Variants in RAD21 observed in about 807,000 individuals in gnomAD.
RAD21 encodes RAD21 cohesin complex component.
RAD21 carries 18 observed loss-of-function variants against 71.5 expected under a neutral mutation model. That is an observed-to-expected ratio of 0.25 (90% CI 0.17 to 0.37). The LOEUF (loss-of-function observed/expected upper bound fraction) is 0.37, where lower values mean the gene tolerates loss of function less well. RAD21 is among the 10% of genes least tolerant of loss of function. The pLI, the probability that RAD21 is intolerant of heterozygous loss-of-function variation, is 1.00. For missense variants in RAD21, 493 were observed against 769.1 expected (o/e 0.64, Z 4.25); for synonymous variants, 248 against 254.0 (o/e 0.98, Z 0.22).
At chr8:116,863,310 A>G (rs1287906003) in intron 2 of RAD21, 51 bp from the exon 3 acceptor site, 5 of 1,556,866 alleles carry the variant, frequency 3.2e-6, no homozygotes, top group African/African-American at 2.7e-5. Context: ...CGTGCCATTC[A>G]TAGTCTTCTT....
At chr8:116,850,838 C>T in intron 11 of RAD21, 71 bp from the exon 12 acceptor site, 3 of 1,090,906 alleles carry the variant, frequency 2.8e-6, no homozygotes, top group Non-Finnish European at 4.0e-6. Context: ...TATGAAAATA[C>T]ACAGTGGCTG....
chr8:116,869,812 T>G (rs1812773731), intron 1 of RAD21, among the ~76,000 whole-genome samples: 1 of 152,214 alleles, frequency 6.6e-6, no homozygotes, highest in Non-Finnish European at 1.5e-5. Flanking sequence ...CAGGTGGGAC[T>G]AAAATCTCTT....
intron 11 of RAD21, chr8:116,851,221 T>C (rs1473492870): frequency 1.3e-5 from 2 of 152,574 alleles, no homozygotes; most frequent in African/African-American, 4.8e-5. Context: ...AACCAAAGTC[T>C]TTAAAAGAAA....
chr8:116,849,206 T>A (rs1006702180), intron 12 of RAD21, 177 bp from the exon 13 acceptor site: 3 of 460,608 alleles, frequency 6.5e-6, no homozygotes, highest in Non-Finnish European at 1.1e-5. Flanking sequence ...CTGAAGAGTC[T>A]GTTTTTCTTA....
chr8:116,861,489 TCC>T (rs1812593106), intron 4 of RAD21, among the ~76,000 whole-genome samples: 1 of 151,204 alleles, frequency 6.6e-6, no homozygotes, highest in African/African-American at 2.4e-5. Flanking sequence ...GCCTGGCCAA[TCC>T]AGTAGCTGAC....
intron 1 of RAD21, among the ~76,000 whole-genome samples, chr8:116,870,759 T>G (rs945768676): frequency 6.6e-6 from 1 of 152,232 alleles, no homozygotes; most frequent in Admixed American, 6.5e-5. Context: ...TCTAGAATAC[T>G]ATCTGTGGCA....
intron 1 of RAD21, among the ~76,000 whole-genome samples, chr8:116,870,812 T>G (rs1481468919): frequency 6.6e-6 from 1 of 152,190 alleles, no homozygotes; most frequent in African/African-American, 2.4e-5. Context: ...GTAAGTAAGA[T>G]CCACCAAGTG....
intron 4 of RAD21, among the ~76,000 whole-genome samples, chr8:116,859,531 A>G (rs752930693): frequency 9.9e-5 from 15 of 152,062 alleles, no homozygotes; most frequent in Non-Finnish European, 1.9e-4. Context: ...GTGAACCACT[A>G]TACCTGGCCC....
At chr8:116,855,469 AG>A (rs1350738210) in intron 8 of RAD21, among the ~76,000 whole-genome samples, 4 of 152,252 alleles carry the variant, frequency 2.6e-5, no homozygotes, top group African/African-American at 9.6e-5. Flanking sequence ...AGATTATTCT[AG>A]AAATTTTGAC....
intron 4 of RAD21, among the ~76,000 whole-genome samples, chr8:116,859,518 G>A (rs1327816250): frequency 2.0e-5 from 3 of 152,062 alleles, no homozygotes; most frequent in African/African-American, 7.2e-5. Flanking sequence ...TGGGATCATA[G>A]GTGTGAACCA....
intron 3 of RAD21, among the ~76,000 whole-genome samples, chr8:116,862,732 G>T (rs967653987): frequency 1.3e-5 from 2 of 151,992 alleles, no homozygotes; most frequent in Admixed American, 1.3e-4. Context: ...AAAAAACTAC[G>T]AAGAATATTT....
At chr8:116,869,886 T>TTA (rs532982908) in intron 1 of RAD21, among the ~76,000 whole-genome samples, 32 of 152,360 alleles carry the variant, frequency 2.1e-4, no homozygotes, top group Non-Finnish European at 3.8e-4. Flanking sequence ...TCTGTAAATC[T>TTA]TAAAGAATTT....
rs1812702929 is a variant in RAD21, at chr8:116,866,780, G to C, written c.-32-19C>G. ...AGAAAACCTAAGAGGGGAAAAAAAA[G>C]TTAATGTAAACATCATCTGACAATT... On this transcript the variant is annotated intron_variant, in intron 1 of 13. Transcript: ENST00000297338. 5 of 1,490,558 alleles carry C rather than the reference G, an allele frequency of 3.4e-6. No individual in the cohort carries two copies. Among genetic ancestry groups the C allele is most frequent in the Non-Finnish European group, 4.5e-6 (5 of 1,118,592 alleles). The allele number at this position is 1,490,558 out of a possible 1,614,324, so 92.3% of individuals were successfully genotyped here.
chr8:116,845,965 G>C lies in RAD21; in HGVS notation c.*1535C>G, dbSNP rs1291304023. 1 of 226,366 alleles carries C rather than the reference G, an allele frequency of 4.4e-6. No individual in the cohort carries two copies. Among genetic ancestry groups the C allele is most frequent in the South Asian group, 1.8e-4 (1 of 5,466 alleles). 14.0% of individuals were successfully genotyped at this position (226,366 alleles called of 1,614,324 possible). On this transcript the variant is annotated 3_prime_UTR_variant, in exon 14 of 14. Coordinates refer to ENST00000297338, the MANE Select transcript of RAD21 (RefSeq NM_006265.3). ...TTATAACACAACTTTTATTAGAAAA[G>C]TTATACATAACATAGCATCAACTAT... is the stretch of plus-strand genomic sequence containing the variant.
intron 2 of RAD21, 54 bp from the exon 3 acceptor site, chr8:116,863,313 G>A (rs1563692662): frequency 6.5e-7 from 1 of 1,548,586 alleles, no homozygotes; most frequent in African/African-American, 1.4e-5. Flanking sequence ...GCCATTCATA[G>A]TCTTCTTTTT....
intron 7 of RAD21, 30 bp downstream of exon 7, chr8:116,856,615 TC>T: frequency 6.4e-7 from 1 of 1,556,618 alleles, no homozygotes; most frequent in Non-Finnish European, 8.7e-7. Context: ...CATACAATCA[TC>T]CCCAGAATCA....
Position 116,858,343 on chromosome 8 carries a change from C to A in RAD21, c.481+9G>T. ...ATAATTAATGGCTAATAATTTGTTT[C>A]TCTTTTACCAAAATCATTTTCTTGT... On this transcript the variant is annotated intron_variant, in intron 5 of 13. Coordinates refer to ENST00000297338, the MANE Select transcript of RAD21 (RefSeq NM_006265.3). The A allele has an allele frequency of 1.3e-6, 2 of 1,584,086 alleles. No individual in the cohort carries two copies. The highest frequency in any genetic ancestry group is 1.7e-5 in the Admixed American group (1 of 59,758).
At position 116,846,315 on chromosome 8, in the gene RAD21, T is replaced by A; in HGVS notation, c.*1185A>T. ...GTGATTTTTTTTTCCCACAAAAGTT[T>A]CAACACTTAAGCTAGAACTTTCAGT... is the stretch of plus-strand genomic sequence containing the variant. On this transcript the variant is annotated 3_prime_UTR_variant, in exon 14 of 14. Coordinates refer to ENST00000297338, the MANE Select transcript of RAD21 (RefSeq NM_006265.3). The A allele has an allele frequency of 4.3e-6, 1 of 231,358 alleles. No individual in the cohort carries two copies. Among genetic ancestry groups the A allele is most frequent in the East Asian group, 6.2e-5 (1 of 16,098 alleles). 14.3% of individuals were successfully genotyped at this position (231,358 alleles called of 1,614,324 possible).
intron 1 of RAD21, 132 bp from the exon 2 acceptor site, chr8:116,866,893 T>C (rs1812706430): frequency 1.9e-6 from 1 of 532,406 alleles, no homozygotes; most frequent in East Asian, 3.4e-5. Flanking sequence ...ATGTTTAATA[T>C]GTATTTTAAA....
Sources: allele counts gnomAD v4.1 joint callset (sites outside exome capture counted in the v4.1 genomes callset), GRCh38; gene constraint gnomAD v4.1.1; transcripts MANE v1.5; gene names NCBI Gene and HGNC (gene_info 2026-07-23, HGNC 2026-07-21).